TEX11: variants seen among roughly 807,000 people sequenced by gnomAD.
The protein encoded by TEX11 is testis expressed 11.
In TEX11, 7 loss-of-function variants were observed where a neutral mutation model predicts 84.4. The observed-to-expected ratio is 0.08, with a 90% CI of 0.05 to 0.16. The LOEUF (loss-of-function observed/expected upper bound fraction) is 0.16. TEX11 is among the 10% of genes least tolerant of loss of function. The pLI is 1.00. For missense variants in TEX11, 551 were observed against 660.5 expected, an observed-to-expected ratio of 0.83 and a Z score of 1.82; for synonymous variants, 264 against 222.8, an observed-to-expected ratio of 1.18 and a Z score of -1.64.
At chrX:70,732,755 C>A in intron 11 of TEX11, among the ~76,000 whole-genome samples, 1 of 111,066 alleles carries the variant, frequency 9.0e-6, no homozygotes, top group Admixed American at 9.6e-5. Flanking sequence ...CAATGCCATC[C>A]CCATCAAGCT....
rs1214903557 is a variant in TEX11, at chrX:70,765,765, T to C, written c.693-21546A>G. 4.5e-4 allele frequency among the ~76,000 whole-genome samples: 50 copies of C among 111,889 alleles called. 3 individuals are homozygous for C. Among genetic ancestry groups the C allele is most frequent in the Non-Finnish European group, 7.5e-5 (4 of 53,220 alleles). On this transcript the variant is annotated intron_variant, in intron 9 of 29. Transcript: ENST00000374333. ...CCACTGTCATCACTATTATTCAACA[T>C]ACTACTGGAAGTCTTAGCTAAAGCA...
Position 70,529,123 on chromosome X carries a change from T to G in TEX11, c.2750A>C (p.Glu917Ala). 2 of 1,210,874 alleles carry G rather than the reference T, an allele frequency of 1.7e-6. No homozygotes were observed. The highest frequency in any genetic ancestry group is 2.2e-6 in the Non-Finnish European group (2 of 894,848). ...LSNNKGPVFHEHGYWSKSD is the reference protein window; with the variant it reads ...LSNNKGPVFHAHGYWSKSD ...ATCTGACTTGCTCCAGTAGCCATGT[T>G]CATGAAAAACTGGGCCCTTGTTGTT... Residue 917 changes from glutamate to alanine, a missense_variant, in exon 30 of 30, where the codon GAA (glutamate) becomes GCA (alanine). By Grantham distance (107) the Glu-to-Ala change is moderately radical (BLOSUM62 -1). Transcript: ENST00000374333.
intron 8 of TEX11, among the ~76,000 whole-genome samples, chrX:70,833,131 G>A (rs1229657193): frequency 1.8e-5 from 2 of 109,353 alleles, no homozygotes; most frequent in Admixed American, 9.9e-5. Context: ...GTAGCCAGGT[G>A]TGGTGGCGCA....
At chrX:70,698,539 C>A (rs777996019) in intron 13 of TEX11, among the ~76,000 whole-genome samples, 22 of 105,492 alleles carry the variant, frequency 2.1e-4, no homozygotes, top group African/African-American at 6.2e-4. Context: ...AAAAAAAAAA[C>A]ACCCTAGGAA....
rs757565258 is a variant in TEX11 at position 70,650,402 on chromosome X, TAAAAC to T, written c.1483+1043_1483+1047del. On this transcript the variant is annotated intron_variant, in intron 17 of 29. Transcript: ENST00000374333. ...TAAAATAATTTTTAAAAAATAATGT[TAAAAC>T]AAAAGATTTAACAGGAAAATTACTA... Among the ~76,000 whole-genome samples, 94 of 111,849 alleles carry T rather than the reference TAAAAC, an allele frequency of 8.4e-4. 1 individual carries two copies. The highest frequency in any genetic ancestry group is 1.9e-3 in the South Asian group (5 of 2,672).
In TEX11 at chrX:70,806,736, T is replaced by C. The variant is rs768423064; in HGVS notation, c.661A>G (p.Asn221Asp). ...CAGAAAGAACTTTCTTCATATTTAT[T>C]ATTCTTCTGGGTTTCTACTCCAAAG... is the stretch of plus-strand genomic sequence containing the variant. ...YNFGVETQKN[N>D]KYEESSFWLS... The change falls in exon 9 of 30, where the codon AAT (asparagine) becomes GAT (aspartate). Residue 221 changes from asparagine to aspartate, a missense_variant. By Grantham distance (23) the Asn-to-Asp change is conservative. Transcript: ENST00000374333. 1 of 1,190,969 alleles carries C rather than the reference T, an allele frequency of 8.4e-7. No individual in the cohort carries two copies. The highest frequency in any genetic ancestry group is 1.7e-5 in the African/African-American group (1 of 57,462).
intron 9 of TEX11, among the ~76,000 whole-genome samples, chrX:70,783,535 G>C (rs901197919): frequency 2.9e-4 from 32 of 111,538 alleles, no homozygotes; most frequent in Non-Finnish European, 5.5e-4. Context: ...ATGAATCCAA[G>C]AGCTGGATTT....
chrX:70,592,042 T>C (rs1209812013), intron 24 of TEX11, among the ~76,000 whole-genome samples: 1 of 111,831 alleles, frequency 8.9e-6, no homozygotes, highest in Non-Finnish European at 1.9e-5. Flanking sequence ...TAGAAAATCT[T>C]GAGCATTATC....
At chrX:70,533,268 A>G (rs182565572) in intron 28 of TEX11, among the ~76,000 whole-genome samples, 1 of 104,487 alleles carries the variant, frequency 9.6e-6, no homozygotes, top group East Asian at 3.0e-4. Context: ...GAATGCTGGC[A>G]TCACTGAAAG....
At chrX:70,674,115 T>C (rs142918998) in intron 15 of TEX11, among the ~76,000 whole-genome samples, 21,719 of 110,263 alleles carry the variant, frequency 0.2, 1,663 homozygotes, top group African/African-American at 0.21. Context: ...TAAGTTCTTA[T>C]CATTTAACTC....
At chrX:70,691,395 A>C (rs2090233603) in intron 13 of TEX11, among the ~76,000 whole-genome samples, 1 of 112,189 alleles carries the variant, frequency 8.9e-6, no homozygotes, top group East Asian at 2.8e-4. Context: ...ACATGTGCTA[A>C]AATGTGGAAG....
intron 13 of TEX11, among the ~76,000 whole-genome samples, chrX:70,702,807 T>C (rs994396596): frequency 3.6e-5 from 4 of 111,544 alleles, no homozygotes; most frequent in Admixed American, 9.6e-5. Flanking sequence ...CCTTTTGAGA[T>C]TGGCCTTTTT....
At chrX:70,895,193 T>C (rs1259244725) in intron 2 of TEX11, among the ~76,000 whole-genome samples, 1 of 111,441 alleles carries the variant, frequency 9.0e-6, no homozygotes, top group Non-Finnish European at 1.9e-5. Context: ...ATAAAATCAA[T>C]GTGCAAAAAT....
chrX:70,642,353 G>A (rs760624184), intron 17 of TEX11, among the ~76,000 whole-genome samples: 1,150 of 111,294 alleles, frequency 0.01, 12 homozygotes, highest in African/African-American at 0.035. Flanking sequence ...AGGAGGAACC[G>A]GTACCATTCC....
At chrX:70,630,205 G>A (rs1368769668) in intron 17 of TEX11, among the ~76,000 whole-genome samples, 1 of 108,646 alleles carries the variant, frequency 9.2e-6, no homozygotes, top group Non-Finnish European at 1.9e-5. Flanking sequence ...CCAGCTACTC[G>A]GGAGGCTGAG....
At chrX:70,686,757 TA>T (rs745653391) in intron 13 of TEX11, among the ~76,000 whole-genome samples, 1 of 110,537 alleles carries the variant, frequency 9.0e-6, no homozygotes, top group East Asian at 2.8e-4. Context: ...AAACAAAAAT[TA>T]TTTTTTTAGT....
At chrX:70,633,458 C>T (rs749527467) in intron 17 of TEX11, among the ~76,000 whole-genome samples, 12 of 111,822 alleles carry the variant, frequency 1.1e-4, no homozygotes, top group African/African-American at 3.9e-4. Flanking sequence ...TGAATGCTTT[C>T]CCCCTAAAAT....
At chrX:70,529,245 T>C in intron 29 of TEX11, 58 bp from the exon 30 acceptor site, 1 of 925,951 alleles carries the variant, frequency 1.1e-6, no homozygotes, top group South Asian at 2.1e-5. Context: ...TGGGAAAGCT[T>C]CCCAGACCCA....
intron 13 of TEX11, among the ~76,000 whole-genome samples, chrX:70,705,414 C>T (rs1055635231): frequency 2.7e-5 from 3 of 111,577 alleles, no homozygotes; most frequent in Middle Eastern, 4.6e-3. Flanking sequence ...AATATTGATT[C>T]TTCCTATGCA....
Sources: gnomAD v4.1 joint callset for allele counts (sites outside exome capture counted in the v4.1 genomes callset) on GRCh38, gnomAD v4.1.1 for gene constraint, MANE v1.5 for transcripts, NCBI Gene and HGNC (gene_info 2026-07-23, HGNC 2026-07-21) for gene names.